The following ARHGEF3 variants were observed in gnomAD, a reference collection of about 807,000 sequenced individuals.
ARHGEF3 encodes the protein 59.8 kDA protein.
Under a neutral mutation model 63.2 loss-of-function variants are expected in ARHGEF3, and 28 were observed. The ratio of observed to expected loss-of-function variants is 0.44; its 90% CI spans 0.33 to 0.61. ARHGEF3 has a LOEUF of 0.61. Ranked by LOEUF, ARHGEF3 falls within the 20% of genes least tolerant of loss-of-function variation. The pLI is 0.03. For missense variants in ARHGEF3, 533 were observed against 659.3 expected (o/e 0.81, Z 2.10); for synonymous variants, 266 against 254.2 (o/e 1.05, Z -0.44).
intron 3 of ARHGEF3, among the ~76,000 whole-genome samples, chr3:56,892,670 T>C (rs559506872): frequency 1.3e-5 from 2 of 152,358 alleles, no homozygotes; most frequent in East Asian, 1.9e-4. Context: ...TCAGCTTAGA[T>C]TGTCCAACTG....
At chr3:56,973,173 C>T (rs376946981) in intron 2 of ARHGEF3, among the ~76,000 whole-genome samples, 32 of 152,054 alleles carry the variant, frequency 2.1e-4, no homozygotes, top group Non-Finnish European at 2.9e-4. Context: ...CCCGCCACCA[C>T]GCCCGGCTAA....
intron 1 of ARHGEF3, among the ~76,000 whole-genome samples, chr3:56,792,383 A>C (rs2037133511): frequency 6.6e-6 from 1 of 152,184 alleles, no homozygotes; most frequent in Non-Finnish European, 1.5e-5. Context: ...AATGGCTGCA[A>C]ATGATGTCAC....
intron 4 of ARHGEF3, among the ~76,000 whole-genome samples, chr3:56,861,108 T>A (rs1203074006): frequency 6.6e-6 from 1 of 152,198 alleles, no homozygotes; most frequent in Non-Finnish European, 1.5e-5. Flanking sequence ...GGCTTTAGCT[T>A]CCTGTAAGAC....
At chr3:56,995,668 A>AGAGAGAGG (rs1560116656) in intron 2 of ARHGEF3, among the ~76,000 whole-genome samples, 29 of 133,194 alleles carry the variant, frequency 2.2e-4, no homozygotes, top group Non-Finnish European at 3.8e-4. Flanking sequence ...AGAGAGAGAG[A>AGAGAGAGG]GAGAATTTTT....
intron 1 of ARHGEF3, among the ~76,000 whole-genome samples, chr3:56,792,309 G>A (rs2037130022): frequency 6.6e-6 from 1 of 152,142 alleles, no homozygotes; most frequent in South Asian, 2.1e-4. Flanking sequence ...ATATAATCAT[G>A]CTCAACTTTT....
Position 56,751,047 on chromosome 3 carries a change from C to CT in ARHGEF3, c.612+8dup. 1 of 1,609,076 alleles carries CT rather than the reference C, an allele frequency of 6.2e-7. No homozygotes were observed. The highest frequency in any genetic ancestry group is 8.5e-7 in the Non-Finnish European group (1 of 1,176,984). Reference sequence around the variant, plus strand: ...TTTATCTTCAATAAAGACCAGAGAACTTTCTTACCCAGCCCACGAGGATGG... The same window carrying CT: ...TTTATCTTCAATAAAGACCAGAGAACTTTTCTTACCCAGCCCACGAGGATGG... On this transcript the variant is annotated intron_variant, in intron 6 of 9. Transcript: ENST00000296315.
At chr3:56,943,201 T>C (rs1327729659) in intron 3 of ARHGEF3, among the ~76,000 whole-genome samples, 1 of 152,220 alleles carries the variant, frequency 6.6e-6, no homozygotes, top group African/African-American at 2.4e-5. Context: ...GAGAAGTCAA[T>C]GCTTGGCTTC....
intron 4 of ARHGEF3, among the ~76,000 whole-genome samples, chr3:56,871,818 T>C (rs1005211061): frequency 1.3e-5 from 2 of 152,160 alleles, no homozygotes; most frequent in Non-Finnish European, 2.9e-5. Flanking sequence ...CAAGCTTAGA[T>C]GGAAAAATGA....
At chr3:56,768,057 A>G (rs966262315) in intron 2 of ARHGEF3, among the ~76,000 whole-genome samples, 1 of 147,096 alleles carries the variant, frequency 6.8e-6, no homozygotes, top group Non-Finnish European at 1.5e-5. Context: ...CCCAGCCTCA[A>G]TATATATATA....
chr3:56,896,275 CCTCT>C (rs1298776482), intron 3 of ARHGEF3, among the ~76,000 whole-genome samples: 1 of 151,790 alleles, frequency 6.6e-6, no homozygotes, highest in African/African-American at 2.4e-5. Context: ...TCATTTGCTC[CCTCT>C]CTCTCTCTTT....
chr3:56,908,259 G>A (rs2041757409), intron 3 of ARHGEF3, among the ~76,000 whole-genome samples: 1 of 152,206 alleles, frequency 6.6e-6, no homozygotes, highest in Non-Finnish European at 1.5e-5. Flanking sequence ...AGAACAAAGT[G>A]CCTTCGAAAC....
chr3:56,836,803 T>C (rs962611264), intron 4 of ARHGEF3, among the ~76,000 whole-genome samples: 2 of 152,130 alleles, frequency 1.3e-5, no homozygotes, highest in Non-Finnish European at 2.9e-5. Context: ...GGTGCATGCC[T>C]GTAGTCTCAG....
chr3:57,056,678 T>C lies in ARHGEF3; in HGVS notation c.-27-21502A>G, dbSNP rs574530786. 2.7e-4 allele frequency among the ~76,000 whole-genome samples: 41 copies of C among 152,262 alleles called. No homozygotes were observed. In the East Asian group the frequency reaches 7.5e-3, roughly 28 times the overall value. Reference sequence around the variant, plus strand: ...TCTAAGCAGAATCGGTTATCGTTTCTTTTTCTTTCTTTTTAGTTTTTTGTA... The same window carrying C: ...TCTAAGCAGAATCGGTTATCGTTTCCTTTTCTTTCTTTTTAGTTTTTTGTA... On this transcript the variant is annotated intron_variant, in intron 1 of 12. Coordinates refer to the ARHGEF3 transcript ENST00000338458.
intron 4 of ARHGEF3, among the ~76,000 whole-genome samples, chr3:56,856,337 T>C (rs1447337090): frequency 1.3e-5 from 2 of 152,228 alleles, no homozygotes; most frequent in Non-Finnish European, 2.9e-5. Flanking sequence ...ATCCAGGCTC[T>C]TTCTCTAGCC....
Position 56,744,760 on chromosome 3 carries a change from A to G in ARHGEF3, c.870+445T>C, listed in dbSNP as rs183495560. On this transcript the variant is annotated intron_variant, in intron 7 of 9. Coordinates refer to ENST00000296315, the MANE Select transcript of ARHGEF3 (RefSeq NM_019555.3). The stretch of plus-strand genomic sequence containing the variant: ...ATCCCACTAGTGAGCAGGAGGTTTG[A>G]CAAGGCAAGCCACTGTAATCGGGGG... Among the ~76,000 whole-genome samples, 133 of 152,288 alleles carry G rather than the reference A, an allele frequency of 8.7e-4. 1 individual carries two copies. The highest frequency in any genetic ancestry group is 3.0e-3 in the African/African-American group (125 of 41,552).
chr3:56,789,998 G>A (rs1006832712), intron 1 of ARHGEF3, among the ~76,000 whole-genome samples: 7 of 152,184 alleles, frequency 4.6e-5, no homozygotes, highest in Admixed American at 2.6e-4. Flanking sequence ...GATTTGAGCT[G>A]CCCAAGTGGT....
intron 4 of ARHGEF3, chr3:56,882,284 ATACTT>A: frequency 6.4e-7 from 1 of 1,551,462 alleles, no homozygotes; most frequent in Non-Finnish European, 8.7e-7. Flanking sequence ...AGAAAGGACT[ATACTT>A]ACACTTATGT....
chr3:56,983,938 A>AAG (rs2106915260), intron 2 of ARHGEF3, among the ~76,000 whole-genome samples: 1 of 10,338 alleles, frequency 9.7e-5, no homozygotes, highest in South Asian at 1.9e-3. Flanking sequence ...CCGTCTCGAG[A>AAG]AAAAAAAAAA....
intron 4 of ARHGEF3, among the ~76,000 whole-genome samples, chr3:56,808,248 C>T (rs2037936558): frequency 6.6e-6 from 1 of 151,990 alleles, no homozygotes; most frequent in African/African-American, 2.4e-5. Flanking sequence ...CCCAGCTGAG[C>T]TAATCCTGTG....
Sources: allele counts gnomAD v4.1 joint callset (sites outside exome capture counted in the v4.1 genomes callset), GRCh38; gene constraint gnomAD v4.1.1; transcripts MANE v1.5; gene names NCBI Gene and HGNC (gene_info 2026-07-23, HGNC 2026-07-21).